CELSR1: variants seen among roughly 807,000 people sequenced by gnomAD.
The protein encoded by CELSR1 is adhesion G protein-coupled receptor C1.
A neutral mutation model predicts 249.1 loss-of-function variants in CELSR1; 110 were observed. The observed-to-expected ratio is 0.44, with a 90% CI of 0.38 to 0.52. The LOEUF (loss-of-function observed/expected upper bound fraction) is 0.52, where lower values mean the gene tolerates loss of function less well. Ranked by LOEUF, CELSR1 falls within the 20% of genes least tolerant of loss-of-function variation. The probability of loss-of-function intolerance (pLI) is 0.00; values close to 1 mark genes in which losing one functional copy is unlikely to be tolerated. For missense variants in CELSR1, 4,109 were observed against 4,296.4 expected (o/e 0.96, Z 1.22); for synonymous variants, 2,113 against 1,900.0 (o/e 1.11, Z -2.92).
rs533345746 is a variant in CELSR1 at position 46,437,888 on chromosome 22, G to GA, written c.4406+1300dup. On this transcript the variant is annotated intron_variant, in intron 3 of 34. Transcript: ENST00000674500. The surrounding 1 kb of genome is among the most constrained non-coding windows in gnomAD (Gnocchi z 4.9). The stretch of plus-strand genomic sequence containing the variant: ...GATGCTTGGGCAGGGAATGAGCAGG[G>GA]AGAAGGGATCTTAATGACGACGGGA... Among the ~76,000 whole-genome samples, 28 of 152,210 alleles carry GA rather than the reference G, an allele frequency of 1.8e-4. No individual in the cohort carries two copies. The highest frequency in any genetic ancestry group is 3.2e-4 in the Non-Finnish European group (22 of 68,042).
At chr22:46,452,362 T>C (rs940845278) in intron 2 of CELSR1, among the ~76,000 whole-genome samples, 1 of 152,178 alleles carries the variant, frequency 6.6e-6, no homozygotes, top group Non-Finnish European at 1.5e-5. Flanking sequence ...GAGGACCCAG[T>C]GTGCCAAACA....
At chr22:46,461,100 G>A (rs1048157689) in intron 2 of CELSR1, among the ~76,000 whole-genome samples, 2 of 152,092 alleles carry the variant, frequency 1.3e-5, no homozygotes, top group Non-Finnish European at 1.5e-5. Flanking sequence ...CACTTTCATC[G>A]TGAATAAATG....
At chr22:46,415,507 G>A (rs1467223117) in intron 5 of CELSR1, among the ~76,000 whole-genome samples, 1 of 152,048 alleles carries the variant, frequency 6.6e-6, no homozygotes, top group African/African-American at 2.4e-5. Flanking sequence ...GTTAACTGAT[G>A]GCATGAAAAC....
chr22:46,523,393 G>A (rs1387676708), intron 1 of CELSR1, among the ~76,000 whole-genome samples: 1 of 152,006 alleles, frequency 6.6e-6, no homozygotes, highest in Non-Finnish European at 1.5e-5. Flanking sequence ...GCTGGGTGTG[G>A]TAGCGGGCAC....
At chr22:46,443,838 T>C (rs1462905159) in intron 2 of CELSR1, among the ~76,000 whole-genome samples, 3 of 152,262 alleles carry the variant, frequency 2.0e-5, no homozygotes, top group Non-Finnish European at 4.4e-5. Flanking sequence ...GCTTAAGGTA[T>C]ATTTCTCCTC....
At chr22:46,522,510 T>C (rs2080696448) in intron 1 of CELSR1, among the ~76,000 whole-genome samples, 1 of 152,224 alleles carries the variant, frequency 6.6e-6, no homozygotes, top group Admixed American at 6.5e-5. Flanking sequence ...TCAAGTCCTT[T>C]GCTCATTTTT....
At position 46,416,239 on chromosome 22, in the gene CELSR1, G is replaced by GT. The variant is rs3838176; in HGVS notation, c.4612-4481dup. ...AAGGGGGCCACAGGGTTGTGTCTGAGTTTTTTCTCAATTCTTGTGTTGGAA... is the reference window on the plus strand; with the variant it reads ...AAGGGGGCCACAGGGTTGTGTCTGAGTTTTTTTCTCAATTCTTGTGTTGGAA... On this transcript the variant is annotated intron_variant, in intron 5 of 34. Transcript: ENST00000674500. Among the ~76,000 whole-genome samples, 240 of 152,378 alleles carry GT rather than the reference G, an allele frequency of 1.6e-3. 5 individuals carry two copies. The East Asian group carries it at 0.029, about 18-fold the overall frequency.
chr22:46,429,226 A>G lies in CELSR1; in HGVS notation c.4611+4167T>C, dbSNP rs1285961792. On this transcript the variant is annotated intron_variant, in intron 5 of 34. Transcript: ENST00000674500. The surrounding 1 kb of genome is among the most constrained non-coding windows in gnomAD (Gnocchi z 4.1). Reference sequence around the variant, plus strand: ...TGCCGAGGGCGATGGAGGAGCAGCAAACACTTAAGCATAATGAGGGCAAAA... The same window carrying G: ...TGCCGAGGGCGATGGAGGAGCAGCAGACACTTAAGCATAATGAGGGCAAAA... Among the ~76,000 whole-genome samples, 2 of 152,184 alleles carry G rather than the reference A, an allele frequency of 1.3e-5. No homozygotes were observed. Among genetic ancestry groups the G allele is most frequent in the Non-Finnish European group, 2.9e-5 (2 of 68,030 alleles).
In CELSR1 at chr22:46,409,971, T is replaced by C. The variant is rs1487130727; in HGVS notation, c.4934-91A>G. ...CGTGGCGTGGGAAACCAGGACGGAA[T>C]GGACCCGGGGCTGGACAGAAGTCAG... is the stretch of plus-strand genomic sequence containing the variant. On this transcript the variant is annotated intron_variant, in intron 7 of 34. Transcript: ENST00000674500. The surrounding 1 kb of genome is among the most constrained non-coding windows in gnomAD (Gnocchi z 9.8). 3 of 1,551,004 alleles carry C rather than the reference T, an allele frequency of 1.9e-6. No homozygotes were observed. Among genetic ancestry groups the C allele is most frequent in the Middle Eastern group, 1.7e-4 (1 of 5,724 alleles).
Position 46,436,420 on chromosome 22 carries a change from T to C in CELSR1, c.4407-131A>G, listed in dbSNP as rs2079662089. ...ATTCAGGAAAGAATGGTGTCAGGCA[T>C]GCGTCCTTCTCATAGGAGCAGACAG... On this transcript the variant is annotated intron_variant, in intron 3 of 34. Transcript: ENST00000674500. The surrounding 1 kb of genome is among the most constrained non-coding windows in gnomAD (Gnocchi z 5.9). 7 of 630,784 alleles carry C rather than the reference T, an allele frequency of 1.1e-5. No homozygotes were observed. In the Admixed American group the frequency reaches 1.3e-4, roughly 12 times the overall value. The allele number at this position is 630,784 out of a possible 1,614,324, so 39.1% of individuals were successfully genotyped here.
At position 46,441,874 on chromosome 22, in the gene CELSR1, C is replaced by T. The variant is rs115962337; in HGVS notation, c.4184-2463G>A. ...TATCCATTTTTAAAAATAAAGAGAT[C>T]ACGGTGGCTCACGCCTGTAACCCCA... On this transcript the variant is annotated intron_variant, in intron 2 of 34. Coordinates refer to ENST00000674500, the MANE Select transcript of CELSR1 (RefSeq NM_001378328.1). This position sits in a 1 kb window ranked among gnomAD's most constrained non-coding sequence, Gnocchi z 6.1. Among the ~76,000 whole-genome samples the T allele has an allele frequency of 7.1e-3, 1,087 of 152,324 alleles. 10 individuals carry two copies. Among genetic ancestry groups the T allele is most frequent in the African/African-American group, 0.025 (1,038 of 41,572 alleles).
Position 46,448,458 on chromosome 22 carries a change from GGCTGGGAACGC to G in CELSR1, c.4184-9058_4184-9048del, listed in dbSNP as rs1201477496. On this transcript the variant is annotated intron_variant, in intron 2 of 34. Transcript: ENST00000674500. This position sits in a 1 kb window ranked among gnomAD's most constrained non-coding sequence, Gnocchi z 5.7. ...CAGAGAACCTCAGGACCTGGGGGAG[GGCTGGGAACGC>G]GCTGGGAACGTGCCCCAGGAGGGGA... The G allele has an allele frequency of 3.5e-5, 12 of 341,932 alleles. No homozygotes were observed. Among genetic ancestry groups the G allele is most frequent in the Non-Finnish European group, 4.6e-5 (8 of 173,600 alleles). 21.2% of individuals were successfully genotyped at this position (341,932 alleles called of 1,614,324 possible). A position where few individuals can be genotyped will look rare whatever the true frequency, so the allele number is the denominator to read the frequency against.
chr22:46,498,146 G>A (rs2080430866), intron 1 of CELSR1, among the ~76,000 whole-genome samples: 2 of 151,430 alleles, frequency 1.3e-5, no homozygotes, highest in African/African-American at 4.9e-5. Context: ...CTACTCGGGA[G>A]GCTGAGGCAG....
chr22:46,381,396 G>C lies in CELSR1; in HGVS notation c.7089-441C>G, dbSNP rs2078976479. Reference sequence around the variant, plus strand: ...TCTGGGAAATGGCAGGAAGAAGGAGGGCGGAGCCTTGGGCTGCTCCCACCG... The same window carrying C: ...TCTGGGAAATGGCAGGAAGAAGGAGCGCGGAGCCTTGGGCTGCTCCCACCG... On this transcript the variant is annotated intron_variant, in intron 21 of 34. Transcript: ENST00000674500. The surrounding 1 kb of genome is among the most constrained non-coding windows in gnomAD (Gnocchi z 6.0). Among the ~76,000 whole-genome samples the C allele has an allele frequency of 2.0e-5, 3 of 152,142 alleles. No homozygotes were observed. Among genetic ancestry groups the C allele is most frequent in the Non-Finnish European group, 4.4e-5 (3 of 68,016 alleles).
In CELSR1 at chr22:46,409,065, G is replaced by A. The variant is rs2079300094; in HGVS notation, c.5157C>T (p.Phe1719=). ...GAACGCTGTCCTCCTTCCGGGTCCG[G>A]AACATGAGCCCCAGGTACCAGGGCA... ...ISVPWYLGLM[F]RTRKEDSVLM... The change falls in exon 9 of 35, where the codon TTC becomes TTT. Residue 1719 remains phenylalanine (F), a synonymous_variant. Coordinates refer to ENST00000674500, the MANE Select transcript of CELSR1 (RefSeq NM_001378328.1). The surrounding 1 kb of genome is among the most constrained non-coding windows in gnomAD (Gnocchi z 9.8). 1.2e-6 allele frequency: 2 copies of A among 1,612,354 alleles called. No individual in the cohort carries two copies. The highest frequency in any genetic ancestry group is 1.1e-5 in the South Asian group (1 of 90,958).
chr22:46,514,946 C>T (rs375775765), intron 1 of CELSR1, among the ~76,000 whole-genome samples: 17 of 152,312 alleles, frequency 1.1e-4, no homozygotes, highest in East Asian at 7.7e-4. Flanking sequence ...CCGCTCCAAA[C>T]TCCATGCCTC....
rs1203974109 is a variant in CELSR1, at chr22:46,412,082, G to A, written c.4612-323C>T. Among the ~76,000 whole-genome samples the A allele has an allele frequency of 6.6e-6, 1 of 152,226 alleles. No homozygotes were observed. The highest frequency in any genetic ancestry group is 1.5e-5 in the Non-Finnish European group (1 of 68,030). Reference sequence around the variant, plus strand: ...CTGGTGTCCTCTTAAGAGGACAGATGCTGAGATGCAAAGGCACACAGGGAG... The same window carrying A: ...CTGGTGTCCTCTTAAGAGGACAGATACTGAGATGCAAAGGCACACAGGGAG... On this transcript the variant is annotated intron_variant, in intron 5 of 34. Coordinates refer to ENST00000674500, the MANE Select transcript of CELSR1 (RefSeq NM_001378328.1). The surrounding 1 kb of genome is among the most constrained non-coding windows in gnomAD (Gnocchi z 4.5).
chr22:46,533,307 C>T (rs1262451811), intron 1 of CELSR1, among the ~76,000 whole-genome samples: 1 of 152,204 alleles, frequency 6.6e-6, no homozygotes, highest in Non-Finnish European at 1.5e-5. Flanking sequence ...CCCAGATCAC[C>T]TGGAGGCCAC....
At chr22:46,501,293 A>G (rs1010909314) in intron 1 of CELSR1, among the ~76,000 whole-genome samples, 1 of 126,918 alleles carries the variant, frequency 7.9e-6, no homozygotes, top group Non-Finnish European at 1.6e-5. Flanking sequence ...TGTAACTTCC[A>G]CCTCCCGATT....
Sources: allele counts gnomAD v4.1 joint callset (sites outside exome capture counted in the v4.1 genomes callset), GRCh38; gene constraint gnomAD v4.1.1; non-coding constraint Gnocchi (gnomAD v3.1); transcripts MANE v1.5; gene names NCBI Gene and HGNC (gene_info 2026-07-23, HGNC 2026-07-21).